Variants in ZZEF1 observed in about 807,000 individuals in gnomAD.
ZZEF1 encodes the protein zinc finger ZZ-type and EF-hand domain containing 1.
In ZZEF1, 157 loss-of-function variants were observed where a neutral mutation model predicts 342.8. The ratio of observed to expected loss-of-function variants is 0.46; its 90% CI spans 0.40 to 0.52. ZZEF1 has a LOEUF of 0.52. Among genes scored for constraint, ZZEF1 ranks in the 20% least tolerant of loss-of-function variants. ZZEF1 has a pLI of 0.00. For synonymous variants in ZZEF1, 1,505 were observed against 1,429.1 expected (o/e 1.05, Z -1.20); for missense variants, 3,480 against 3,725.6 (o/e 0.93, Z 1.72).
chr17:4,134,112 T>A (rs2145601514), intron 1 of ZZEF1, among the ~76,000 whole-genome samples: 1 of 152,010 alleles, frequency 6.6e-6, no homozygotes, highest in South Asian at 2.1e-4. Flanking sequence ...AAGAAAAAAA[T>A]TACCACAGCT....
At chr17:4,109,587 G>T in intron 6 of ZZEF1, 66 bp downstream of exon 6, 1 of 1,531,832 alleles carries the variant, frequency 6.5e-7, no homozygotes, top group Non-Finnish European at 9.0e-7. Flanking sequence ...TCAGTGATAC[G>T]CCCTAAAGGA....
rs1215199535 is a variant in ZZEF1 at position 4,016,418 on chromosome 17, T to C, written c.8050A>G (p.Met2684Val). ...ATGAACTGGCATGCAGCCAGGGCCATGGTCCCCAGCATGTCCTCTCGGCAG... is the reference window on the plus strand; with the variant it reads ...ATGAACTGGCATGCAGCCAGGGCCACGGTCCCCAGCATGTCCTCTCGGCAG... ...QGCREDMLGT[M>V]ALAACQFMEE... The change falls in exon 49 of 55, where the codon ATG becomes GTG. Residue 2684 changes from methionine to valine, a missense_variant. Met to Val is a conservative substitution (Grantham distance 21). Transcript: ENST00000381638. This position sits in a 1 kb window ranked among gnomAD's most constrained non-coding sequence, Gnocchi z 4.4. 7 of 1,614,078 alleles carry C rather than the reference T, an allele frequency of 4.3e-6. No homozygotes were observed. Among genetic ancestry groups the C allele is most frequent in the South Asian group, 2.2e-5 (2 of 91,078 alleles).
At chr17:4,060,211 A>T (rs1445994863) in intron 30 of ZZEF1, among the ~76,000 whole-genome samples, 1 of 152,260 alleles carries the variant, frequency 6.6e-6, no homozygotes, top group Non-Finnish European at 1.5e-5. Context: ...ATGATCAAAT[A>T]AGCCCTCAAA....
At chr17:4,135,553 A>T (rs2058734690) in intron 1 of ZZEF1, among the ~76,000 whole-genome samples, 1 of 152,122 alleles carries the variant, frequency 6.6e-6, no homozygotes, top group Non-Finnish European at 1.5e-5. Flanking sequence ...TCTGTTACAC[A>T]CATCAGTGAT....
chr17:4,137,814 A>G (rs2058777492), intron 1 of ZZEF1, among the ~76,000 whole-genome samples: 1 of 152,226 alleles, frequency 6.6e-6, no homozygotes. Flanking sequence ...AGGTAACAGG[A>G]GCCTCAGCTG....
chr17:4,049,934 C>T, intron 36 of ZZEF1, 75 bp from the exon 37 acceptor site: 1 of 1,534,722 alleles, frequency 6.5e-7, no homozygotes, highest in Non-Finnish European at 8.9e-7. Context: ...CCATAAGTTA[C>T]TTTGCCATTA....
rs774404710 is a variant in ZZEF1, at chr17:4,014,422, T to C, written c.8239A>G (p.Ser2747Gly). The change falls in exon 50 of 55, where the codon AGC (serine) becomes GGC (glycine). Residue 2747 changes from serine to glycine, a missense_variant. Around this residue, in one of 5 missense-constraint regions of ZZEF1, gnomAD observed 1,269 missense variants for 1,342.4 expected, o/e 0.95. Coordinates refer to ENST00000381638, the MANE Select transcript of ZZEF1 (RefSeq NM_015113.4). This position sits in a 1 kb window ranked among gnomAD's most constrained non-coding sequence, Gnocchi z 4.4. ...CGGTCTTGCTGGAAGTCACTGCTGCTGGACATGGCTAACTCGTCACAGCCC... is the reference window on the plus strand; with the variant it reads ...CGGTCTTGCTGGAAGTCACTGCTGCCGGACATGGCTAACTCGTCACAGCCC... Reference protein sequence around the residue: ...EEGCDELAMSSSSDFQQDRHS... With the variant: ...EEGCDELAMSGSSDFQQDRHS... 6.2e-7 allele frequency: 1 copy of C among 1,614,246 alleles called. No homozygotes were observed. The highest frequency in any genetic ancestry group is 1.3e-5 in the African/African-American group (1 of 75,062).
intron 1 of ZZEF1, among the ~76,000 whole-genome samples, chr17:4,137,194 C>A (rs886404772): frequency 1.3e-5 from 2 of 152,146 alleles, no homozygotes; most frequent in African/African-American, 4.8e-5. Flanking sequence ...TTTTGGAAAT[C>A]AGGGAGAGAC....
chr17:4,109,922 C>T (rs562044925), intron 5 of ZZEF1, 59 bp from the exon 6 acceptor site: 2 of 1,566,404 alleles, frequency 1.3e-6, no homozygotes, highest in South Asian at 2.3e-5. Flanking sequence ...AAATGCTGGG[C>T]TCCCAACTAA....
Position 4,102,338 on chromosome 17 carries a change from C to A in ZZEF1, c.1651G>T (p.Val551Phe). Residue 551 changes from valine to phenylalanine, a missense_variant, in exon 9 of 55, where the codon GTT becomes TTT. Around this residue, in one of 5 missense-constraint regions of ZZEF1, gnomAD observed 1,528 missense variants for 1,624.1 expected, o/e 0.94. Transcript: ENST00000381638. ...EDKSGPENLLVEPWTRDGFLT... is the reference protein window; with the variant it reads ...EDKSGPENLLFEPWTRDGFLT... ...TCACCATCCCTTGTCCACGGTTCAACAAGGAGGTTTTCGGGTCCAGACTTA... is the reference window on the plus strand; with the variant it reads ...TCACCATCCCTTGTCCACGGTTCAAAAAGGAGGTTTTCGGGTCCAGACTTA... 6.2e-7 allele frequency: 1 copy of A among 1,613,838 alleles called. No individual in the cohort carries two copies. The highest frequency in any genetic ancestry group is 8.5e-7 in the Non-Finnish European group (1 of 1,179,816).
chr17:4,124,949 TC>T (rs752337972), intron 1 of ZZEF1, among the ~76,000 whole-genome samples: 3 of 152,222 alleles, frequency 2.0e-5, no homozygotes, highest in Non-Finnish European at 2.9e-5. Context: ...TACCTAAGTT[TC>T]TTTACCTCCA....
At chr17:4,137,659 C>T (rs2058774459) in intron 1 of ZZEF1, among the ~76,000 whole-genome samples, 1 of 152,170 alleles carries the variant, frequency 6.6e-6, no homozygotes, top group South Asian at 2.1e-4. Context: ...CCTGTACTGC[C>T]TCATCACCAT....
chr17:4,025,192 T>C lies in ZZEF1; in HGVS notation c.6893-74A>G, dbSNP rs1052638352. The C allele has an allele frequency of 1.3e-5, 18 of 1,397,842 alleles. No individual in the cohort carries two copies. In the African/African-American group the frequency reaches 2.1e-4, roughly 16 times the overall value. 86.6% of individuals were successfully genotyped at this position (1,397,842 alleles called of 1,614,324 possible). Reference sequence around the variant, plus strand: ...ATGCTTCCAGCAGCTATTTCTTCTATAGTAACATGCCTTACTAAAGTAGGG... The same window carrying C: ...ATGCTTCCAGCAGCTATTTCTTCTACAGTAACATGCCTTACTAAAGTAGGG... On this transcript the variant is annotated intron_variant, in intron 42 of 54. Coordinates refer to ENST00000381638, the MANE Select transcript of ZZEF1 (RefSeq NM_015113.4).
chr17:4,074,946 C>A, intron 23 of ZZEF1, 151 bp downstream of exon 23: 1 of 813,250 alleles, frequency 1.2e-6, no homozygotes, highest in Admixed American at 2.8e-5. Flanking sequence ...CAGACTATAG[C>A]TGGTCAAACT....
In ZZEF1 at chr17:4,056,404, T is replaced by C. The variant is rs1326538679; in HGVS notation, c.5166-59A>G. 4.7e-6 allele frequency: 7 copies of C among 1,503,790 alleles called. No homozygotes were observed. The South Asian group carries it at 9.8e-5, about 21-fold the overall frequency. 93.2% of individuals were successfully genotyped at this position (1,503,790 alleles called of 1,614,324 possible). On this transcript the variant is annotated intron_variant, in intron 32 of 54. Transcript: ENST00000381638. ...CTCTCCCAATCACCAAGGAAAGTACTGGTTAGCAGACCCTGTGTCTATAGG... is the reference window on the plus strand; with the variant it reads ...CTCTCCCAATCACCAAGGAAAGTACCGGTTAGCAGACCCTGTGTCTATAGG...
chr17:4,046,259 C>T (rs576921165), intron 37 of ZZEF1, among the ~76,000 whole-genome samples: 3 of 152,304 alleles, frequency 2.0e-5, no homozygotes, highest in East Asian at 1.9e-4. Flanking sequence ...TAGTGGTGAG[C>T]TGCCCAGATG....
At chr17:4,116,815 A>C (rs577762256) in intron 3 of ZZEF1, among the ~76,000 whole-genome samples, 157 bp downstream of exon 3, 1 of 152,336 alleles carries the variant, frequency 6.6e-6, no homozygotes, top group South Asian at 2.1e-4. Flanking sequence ...TGTTAAGAAG[A>C]AAGGGAATGA....
chr17:4,095,299 C>T (rs1172378313), intron 11 of ZZEF1, among the ~76,000 whole-genome samples: 1 of 152,218 alleles, frequency 6.6e-6, no homozygotes, highest in African/African-American at 2.4e-5. Flanking sequence ...CCGCTCTGCC[C>T]TGTGTCCCCA....
chr17:4,104,678 T>C lies in ZZEF1; in HGVS notation c.1528A>G (p.Ile510Val), dbSNP rs1317515701. The C allele has an allele frequency of 6.2e-7, 1 of 1,614,134 alleles. No homozygotes were observed. The highest frequency in any genetic ancestry group is 8.5e-7 in the Non-Finnish European group (1 of 1,180,016). ...LDTQYDASSL[I>V]LSMASVRQNL... ...TGTCTGACTGACGCCATGGACAAGA[T>C]GAGGGATGAGGCATCATACTGCGTG... The change falls in exon 8 of 55, where the codon ATC (isoleucine) becomes GTC (valine). Residue 510 changes from isoleucine (I) to valine (V), a missense_variant. Coordinates refer to ENST00000381638, the MANE Select transcript of ZZEF1 (RefSeq NM_015113.4).
Sources: gnomAD v4.1 joint callset for allele counts (sites outside exome capture counted in the v4.1 genomes callset) on GRCh38, gnomAD v4.1.1 for gene constraint, gnomAD v4.1.1 regional missense constraint, Gnocchi (gnomAD v3.1) non-coding constraint, MANE v1.5 for transcripts, NCBI Gene and HGNC (gene_info 2026-07-23, HGNC 2026-07-21) for gene names.